HOXC4: variants seen among roughly 807,000 people sequenced by gnomAD.
The protein encoded by HOXC4 is homeobox protein Hox-C4.
A neutral mutation model predicts 25.5 loss-of-function variants in HOXC4; 15 were observed. That is an observed-to-expected ratio of 0.59 (90% confidence interval 0.39 to 0.91). The LOEUF (loss-of-function observed/expected upper bound fraction) is 0.91, where lower values mean the gene tolerates loss of function less well. HOXC4 is among the 40% of genes least tolerant of loss of function. HOXC4 has a pLI of 0.00. For missense variants in HOXC4, 342 were observed against 352.4 expected (o/e 0.97, Z 0.24); for synonymous variants, 165 against 148.0 (o/e 1.11, Z -0.83).
At chr12:54,028,246 CATAT>C (rs147627891) in intron 1 of HOXC4, 447 of 149,384 alleles carry the variant, frequency 3.0e-3, no homozygotes, top group African/African-American at 0.012. Flanking sequence ...AGTTCCCTTA[CATAT>C]ATATATATAT....
At chr12:54,022,291 C>T (rs918972747) in intron 1 of HOXC4, 2 of 152,178 alleles carry the variant, frequency 1.3e-5, no homozygotes, top group African/African-American at 4.8e-5. Flanking sequence ...TCTTCTCCCA[C>T]ACTCCCTCTC....
chr12:54,026,906 C>T (rs1244149113), intron 1 of HOXC4, among the ~76,000 whole-genome samples: 1 of 151,806 alleles, frequency 6.6e-6, no homozygotes, highest in Non-Finnish European at 1.5e-5. Flanking sequence ...TAAAATCCGG[C>T]GACATCCGGG....
chr12:54,051,547 G>T (rs1190647588), upstream of HOXC4, among the ~76,000 whole-genome samples: 1 of 152,202 alleles, frequency 6.6e-6, no homozygotes, highest in African/African-American at 2.4e-5. Flanking sequence ...GAGAGTTCCG[G>T]ACAAGAGTGG....
intron 1 of HOXC4, chr12:54,033,818 G>A (rs1941085982): frequency 3.6e-6 from 2 of 555,438 alleles, no homozygotes; most frequent in Non-Finnish European, 6.4e-6. Flanking sequence ...GAGGGAGGGA[G>A]TTAAAAAAAT....
intron 1 of HOXC4, among the ~76,000 whole-genome samples, chr12:54,040,424 T>C (rs974869055): frequency 4.6e-5 from 7 of 152,134 alleles, no homozygotes. Flanking sequence ...GGGTTTATCC[T>C]ATCTCAGATT....
At chr12:54,029,038 G>C in intron 1 of HOXC4, 2 of 1,002,336 alleles carry the variant, frequency 2.0e-6, no homozygotes, top group Non-Finnish European at 2.9e-6. Flanking sequence ...AATCACGCTC[G>C]TCTCCTCACC....
intron 1 of HOXC4, among the ~76,000 whole-genome samples, chr12:54,048,642 A>C (rs1308897427): frequency 6.6e-6 from 1 of 152,062 alleles, no homozygotes; most frequent in Non-Finnish European, 1.5e-5. Flanking sequence ...TTCTCTCTCT[A>C]TCCTTAGTTT....
intron 1 of HOXC4, among the ~76,000 whole-genome samples, chr12:54,045,435 AT>A (rs1273364229): frequency 3.9e-5 from 6 of 152,116 alleles, no homozygotes; most frequent in African/African-American, 4.8e-5. Flanking sequence ...ATATTTGGAA[AT>A]TTTTTTCTTT....
At chr12:54,025,073 T>C (rs2077177) in intron 1 of HOXC4, among the ~76,000 whole-genome samples, 69,404 of 151,978 alleles carry the variant, frequency 0.46, 16,185 homozygotes, top group East Asian at 0.64. Context: ...GCCAGAGCAG[T>C]AGCAAGGAGA....
intron 1 of HOXC4, among the ~76,000 whole-genome samples, chr12:54,032,608 C>T (rs2136445198): frequency 6.6e-6 from 1 of 152,286 alleles, no homozygotes. Flanking sequence ...GGGGCCTCGT[C>T]TTTTCCCAAT....
chr12:54,052,568 CT>C (rs146255430), upstream of HOXC4, among the ~76,000 whole-genome samples: 1 of 98,828 alleles, frequency 1.0e-5, no homozygotes, highest in East Asian at 3.6e-4. Flanking sequence ...CCACCCCTAG[CT>C]GGGGGGGGGG....
intron 1 of HOXC4, chr12:54,029,949 A>G: frequency 6.3e-7 from 1 of 1,579,856 alleles, no homozygotes; most frequent in Non-Finnish European, 8.6e-7. Context: ...GAAGAGGAGA[A>G]GCAGAAAGAG....
intron 1 of HOXC4, among the ~76,000 whole-genome samples, chr12:54,024,482 A>G (rs1940600272): frequency 6.6e-6 from 1 of 152,242 alleles, no homozygotes; most frequent in African/African-American, 2.4e-5. Flanking sequence ...GAGAGGAGAC[A>G]GGGAGAACAC....
intron 1 of HOXC4, among the ~76,000 whole-genome samples, chr12:54,027,473 G>A (rs551163389): frequency 6.6e-6 from 1 of 152,268 alleles, no homozygotes; most frequent in South Asian, 2.1e-4. Context: ...TACCCCACAG[G>A]CCCTCACTGG....
chr12:54,031,559 C>T (rs1200663512), intron 1 of HOXC4, among the ~76,000 whole-genome samples: 1 of 152,212 alleles, frequency 6.6e-6, no homozygotes, highest in Non-Finnish European at 1.5e-5. Flanking sequence ...CATTTATCAA[C>T]CCTGGCCTTC....
chr12:54,025,446 C>G (rs1940648521), intron 1 of HOXC4, among the ~76,000 whole-genome samples: 1 of 150,590 alleles, frequency 6.6e-6, no homozygotes, highest in Non-Finnish European at 1.5e-5. Flanking sequence ...GGAGCGAATC[C>G]TTTCAGCAAA....
At chr12:54,037,534 G>T (rs1941206532) in intron 1 of HOXC4, among the ~76,000 whole-genome samples, 1 of 152,178 alleles carries the variant, frequency 6.6e-6, no homozygotes, top group African/African-American at 2.4e-5. Flanking sequence ...GAAAAAATAA[G>T]AGGACAAAAA....
chr12:54,033,121 C>CCGCT, intron 1 of HOXC4: 2 of 1,597,306 alleles, frequency 1.3e-6, no homozygotes, highest in Non-Finnish European at 1.7e-6. Context: ...GCCCTCCCCG[C>CCGCT]CATGAGCTCC....
intron 1 of HOXC4, among the ~76,000 whole-genome samples, chr12:54,041,952 C>T (rs183350806): frequency 8.6e-5 from 13 of 151,286 alleles, no homozygotes; most frequent in Admixed American, 2.0e-4. Context: ...TGTGAACCAC[C>T]GCGCCCAGCC....
Sources: gnomAD v4.1 joint callset for allele counts (sites outside exome capture counted in the v4.1 genomes callset) on GRCh38, gnomAD v4.1.1 for gene constraint, MANE v1.5 for transcripts, NCBI Gene and HGNC (gene_info 2026-07-23, HGNC 2026-07-21) for gene names.